The following LRFN5 variants were observed in gnomAD, a reference collection of about 807,000 sequenced individuals.
LRFN5 encodes the protein leucine-rich repeat and fibronectin type-III domain-containing protein 5.
In LRFN5, 24 loss-of-function variants were observed where a neutral mutation model predicts 45.6. The ratio of observed to expected loss-of-function variants is 0.53; its 90% confidence interval spans 0.38 to 0.74. LRFN5 has a LOEUF of 0.74. LRFN5 is among the 30% of genes least tolerant of loss of function. The pLI is 0.00. For synonymous variants in LRFN5, 340 were observed against 313.8 expected, an observed-to-expected ratio of 1.08 and a Z score of -0.88; for missense variants, 776 against 861.5, an observed-to-expected ratio of 0.90 and a Z score of 1.24.
intron 1 of LRFN5, among the ~76,000 whole-genome samples, chr14:41,666,351 A>AT (rs1302174135): frequency 6.6e-6 from 1 of 152,056 alleles, no homozygotes; most frequent in Non-Finnish European, 1.5e-5. Flanking sequence ...TACTAGTATT[A>AT]TCCCCATTTT....
At chr14:41,892,969 T>C (rs1408013243) in intron 4 of LRFN5, 1 of 985,044 alleles carries the variant, frequency 1.0e-6, no homozygotes, top group Non-Finnish European at 1.2e-6. Context: ...ATCAAAGGGG[T>C]GTTTATTTTT....
chr14:41,725,226 A>G lies in LRFN5; in HGVS notation c.-196-41628A>G, dbSNP rs540761857. On this transcript the variant is annotated intron_variant, in intron 1 of 5. Coordinates refer to ENST00000298119, the MANE Select transcript of LRFN5 (RefSeq NM_152447.5). ...GAACTTGAGGCTTAAAAATGTTGCT[A>G]TCATCCTTAGGTGACATTGCTATTA... Among the ~76,000 whole-genome samples the G allele has an allele frequency of 7.9e-4, 120 of 152,286 alleles. 1 individual carries two copies. The highest frequency in any genetic ancestry group is 1.2e-3 in the South Asian group (6 of 4,826).
chr14:41,708,464 C>A (rs940740431), intron 1 of LRFN5, among the ~76,000 whole-genome samples: 3 of 151,990 alleles, frequency 2.0e-5, no homozygotes, highest in Non-Finnish European at 4.4e-5. Flanking sequence ...TAAAAAGCTA[C>A]TATTACCTTA....
At chr14:41,635,363 A>G (rs1879255318) in intron 1 of LRFN5, among the ~76,000 whole-genome samples, 1 of 152,170 alleles carries the variant, frequency 6.6e-6, no homozygotes, top group African/African-American at 2.4e-5. Flanking sequence ...GTTGGCTAGT[A>G]CATATAATTT....
At chr14:41,902,083 T>C (rs1232500068) in intron 5 of LRFN5, among the ~76,000 whole-genome samples, 1 of 151,992 alleles carries the variant, frequency 6.6e-6, no homozygotes, top group Non-Finnish European at 1.5e-5. Flanking sequence ...TTAATTACAT[T>C]GAGAATAGGG....
At chr14:41,800,716 T>A (rs568099442) in intron 2 of LRFN5, among the ~76,000 whole-genome samples, 2 of 151,594 alleles carry the variant, frequency 1.3e-5, no homozygotes, top group South Asian at 4.2e-4. Context: ...GAGGAAAATA[T>A]ATACAATAAA....
intron 1 of LRFN5, among the ~76,000 whole-genome samples, chr14:41,627,647 A>G (rs979971570): frequency 1.3e-5 from 2 of 152,146 alleles, no homozygotes; most frequent in South Asian, 2.1e-4. Flanking sequence ...AAAAGTATTG[A>G]TAAAGGAATC....
chr14:41,626,891 G>T (rs1284571640), intron 1 of LRFN5, among the ~76,000 whole-genome samples: 1 of 152,044 alleles, frequency 6.6e-6, no homozygotes, highest in African/African-American at 2.4e-5. Context: ...CATTAACAGA[G>T]ATAAACGTTT....
intron 1 of LRFN5, among the ~76,000 whole-genome samples, chr14:41,666,525 A>AT (rs1366146626): frequency 6.6e-6 from 1 of 152,056 alleles, no homozygotes; most frequent in African/African-American, 2.4e-5. Flanking sequence ...TAGATTTTGC[A>AT]TTTTTTTCTG....
At chr14:41,611,828 G>T (rs978210751) in intron 1 of LRFN5, among the ~76,000 whole-genome samples, 8 of 152,140 alleles carry the variant, frequency 5.3e-5, no homozygotes, top group Non-Finnish European at 1.2e-4. Context: ...AGCCAGAAGT[G>T]ATTTCTTTCC....
chr14:41,761,028 T>G (rs1301852147), intron 1 of LRFN5, among the ~76,000 whole-genome samples: 1 of 151,976 alleles, frequency 6.6e-6, no homozygotes, highest in Non-Finnish European at 1.5e-5. Context: ...TGGAAAGAGG[T>G]CAAAAATCAG....
intron 2 of LRFN5, among the ~76,000 whole-genome samples, chr14:41,808,239 T>TGGAAGGAAGGAAGGAAGGAAGGAAGG (rs1887594164): frequency 2.5e-5 from 1 of 39,276 alleles, no homozygotes; most frequent in African/African-American, 1.1e-4. Flanking sequence ...AGGAAGGAAT[T>TGGAAGGAAGGAAGGAAGGAAGGAAGG]GAGGGAGGGA....
At chr14:41,893,147 A>G in intron 4 of LRFN5, 1 of 983,726 alleles carries the variant, frequency 1.0e-6, no homozygotes, top group Non-Finnish European at 1.2e-6. Flanking sequence ...TATTTTAACC[A>G]AAAACTGTGA....
At chr14:41,697,376 A>G (rs1199212910) in intron 1 of LRFN5, among the ~76,000 whole-genome samples, 1 of 151,930 alleles carries the variant, frequency 6.6e-6, no homozygotes, top group Non-Finnish European at 1.5e-5. Context: ...TTTAAAAATT[A>G]TTCAAATCAG....
chr14:41,646,970 G>C (rs1417823247), intron 1 of LRFN5, among the ~76,000 whole-genome samples: 13 of 152,210 alleles, frequency 8.5e-5, no homozygotes, highest in Admixed American at 1.3e-4. Context: ...CAGAGAACAA[G>C]AGAGTCCTTT....
At chr14:41,765,425 G>T (rs1251784285) in intron 1 of LRFN5, among the ~76,000 whole-genome samples, 1 of 149,454 alleles carries the variant, frequency 6.7e-6, no homozygotes, top group Non-Finnish European at 1.5e-5. Flanking sequence ...ATTTACAAAC[G>T]CACACACATA....
chr14:41,782,008 G>A (rs1886546419), intron 2 of LRFN5, among the ~76,000 whole-genome samples: 1 of 151,816 alleles, frequency 6.6e-6, no homozygotes, highest in Non-Finnish European at 1.5e-5. Context: ...ATGTTTCTTG[G>A]CATTTGTACT....
intron 2 of LRFN5, among the ~76,000 whole-genome samples, chr14:41,856,675 A>ATTATTATTATTATTATTATTTTTTTTTT: frequency 4.4e-4 from 8 of 18,336 alleles, no homozygotes; most frequent in Admixed American, 2.4e-3. Flanking sequence ...TATTATTATT[A>ATTATTATTATTATTATTATTTTTTTTTT]TTTTTTTTTT....
At chr14:41,879,215 C>T (rs1463710011) in intron 2 of LRFN5, among the ~76,000 whole-genome samples, 1 of 151,912 alleles carries the variant, frequency 6.6e-6, no homozygotes, top group African/African-American at 2.4e-5. Context: ...CCTCTTTGAA[C>T]ATATATGACA....
Sources: allele counts gnomAD v4.1 joint callset (sites outside exome capture counted in the v4.1 genomes callset), GRCh38; gene constraint gnomAD v4.1.1; transcripts MANE v1.5; gene names NCBI Gene and HGNC (gene_info 2026-07-23, HGNC 2026-07-21).